HECW1: variants seen among roughly 807,000 people sequenced by gnomAD.
HECW1 encodes E3 ubiquitin-protein ligase HECW1.
A neutral mutation model predicts 182.3 loss-of-function variants in HECW1; 61 were observed. The observed-to-expected ratio is 0.33, with a 90% confidence interval of 0.27 to 0.41. The LOEUF (loss-of-function observed/expected upper bound fraction) is 0.41, where lower values mean the gene tolerates loss of function less well. Ranked by LOEUF, HECW1 falls within the 10% of genes least tolerant of loss-of-function variation. The pLI is 1.00. For missense variants in HECW1, 1,739 were observed against 2,108.9 expected, an observed-to-expected ratio of 0.82 and a Z score of 3.44; for synonymous variants, 859 against 832.6, an observed-to-expected ratio of 1.03 and a Z score of -0.55.
At chr7:43,454,306 A>C (rs912708139) in intron 12 of HECW1, among the ~76,000 whole-genome samples, 3 of 152,222 alleles carry the variant, frequency 2.0e-5, no homozygotes, top group Non-Finnish European at 2.9e-5. Context: ...ATGCTCTTCA[A>C]AGACTAATGC....
At chr7:43,366,611 A>T (rs1035849184) in intron 6 of HECW1, among the ~76,000 whole-genome samples, 2 of 152,192 alleles carry the variant, frequency 1.3e-5, no homozygotes, top group African/African-American at 4.8e-5. Flanking sequence ...AGACACCTCA[A>T]CTTTATAATA....
chr7:43,441,929 C>G (rs948824527), intron 9 of HECW1, among the ~76,000 whole-genome samples: 3 of 152,218 alleles, frequency 2.0e-5, no homozygotes, highest in African/African-American at 7.2e-5. Context: ...ACAGACAGTC[C>G]GTTCAACTTA....
At chr7:43,511,471 A>C (rs1261392876) in intron 24 of HECW1, 1 of 152,068 alleles carries the variant, frequency 6.6e-6, no homozygotes, top group Non-Finnish European at 1.5e-5. Flanking sequence ...AAGCCCCTTC[A>C]CCTCCACGGG....
intron 6 of HECW1, among the ~76,000 whole-genome samples, chr7:43,372,538 T>C (rs2074153936): frequency 6.6e-6 from 1 of 152,112 alleles, no homozygotes; most frequent in Non-Finnish European, 1.5e-5. Context: ...TTTTCCTTTT[T>C]TTAGACTTGT....
chr7:43,205,646 A>G (rs940409237), intron 2 of HECW1, among the ~76,000 whole-genome samples: 1 of 152,198 alleles, frequency 6.6e-6, no homozygotes, highest in Non-Finnish European at 1.5e-5. Context: ...CGCAGGTTGT[A>G]CACTCCACAG....
At chr7:43,285,742 C>T (rs924241948) in intron 3 of HECW1, among the ~76,000 whole-genome samples, 16 of 151,646 alleles carry the variant, frequency 1.1e-4, no homozygotes, top group African/African-American at 2.2e-4. Flanking sequence ...TGCAGTGAGC[C>T]GTAATTGCAC....
At chr7:43,491,742 G>A (rs924913458) in intron 17 of HECW1, among the ~76,000 whole-genome samples, 2 of 152,222 alleles carry the variant, frequency 1.3e-5, no homozygotes, top group South Asian at 2.1e-4. Context: ...ACAGGCATCT[G>A]CCACCACATC....
In HECW1 at chr7:43,366,102, CA is replaced by C. The variant is rs375358030; in HGVS notation, c.555+5134del. ...TGGTCGACAGAGCAAGACTGTCTCA[CA>C]AAAAAAAAAAAGAACAAAGAACAAA... is the stretch of plus-strand genomic sequence containing the variant. On this transcript the variant is annotated intron_variant, in intron 6 of 29. Transcript: ENST00000395891. 3.7e-3 allele frequency among the ~76,000 whole-genome samples: 508 copies of C among 137,962 alleles called. 3 individuals carry two copies. Among genetic ancestry groups the C allele is most frequent in the African/African-American group, 9.0e-3 (337 of 37,542 alleles). 90.5% of individuals were successfully genotyped at this position (137,962 alleles called of 152,430 possible).
Position 43,479,741 on chromosome 7 carries a change from A to G in HECW1, c.3231A>G (p.Gly1077=). ...AGAGGCTCCGAAGTTACAGCGCTGGAGAGGTAACCCTCCCTACACCCCGCC... is the reference window on the plus strand; with the variant it reads ...AGAGGCTCCGAAGTTACAGCGCTGGGGAGGTAACCCTCCCTACACCCCGCC... ...HLQRLRSYSA[G]EASEVSRNRG... Residue 1077 remains glycine, a synonymous_variant, in exon 17 of 30, where the codon GGA becomes GGG. Coordinates refer to ENST00000395891, the MANE Select transcript of HECW1 (RefSeq NM_015052.5). The G allele has an allele frequency of 1.9e-6, 3 of 1,613,914 alleles. No homozygotes were observed. The highest frequency in any genetic ancestry group is 2.5e-6 in the Non-Finnish European group (3 of 1,179,912).
chr7:43,336,075 C>G (rs1333821791), intron 5 of HECW1, among the ~76,000 whole-genome samples: 1 of 142,150 alleles, frequency 7.0e-6, no homozygotes, highest in Non-Finnish European at 1.6e-5. Context: ...TTCTTCCCCT[C>G]CCTTTCTTTC....
chr7:43,171,433 A>G (rs1476458507), intron 2 of HECW1, among the ~76,000 whole-genome samples: 2 of 152,200 alleles, frequency 1.3e-5, no homozygotes, highest in Non-Finnish European at 2.9e-5. Context: ...ATGAACGTTG[A>G]AAAGTTTGGG....
In HECW1 at chr7:43,493,200, C is replaced by T. The variant is rs1343426009; in HGVS notation, c.3437+20C>T. The T allele has an allele frequency of 6.5e-7, 1 of 1,531,636 alleles. No homozygotes were observed. The highest frequency in any genetic ancestry group is 1.7e-5 in the Admixed American group (1 of 59,130). 94.9% of individuals were successfully genotyped at this position (1,531,636 alleles called of 1,614,324 possible). ...ACTCAGGTAAGCCTCGCCCCTCACT[C>T]CCTGGAACTCTAGGTCTTTCCAGCC... On this transcript the variant is annotated intron_variant, in intron 19 of 29. Coordinates refer to ENST00000395891, the MANE Select transcript of HECW1 (RefSeq NM_015052.5).
chr7:43,221,537 G>GTTTTTTT lies in HECW1; in HGVS notation c.-31-22302_-31-22296dup, dbSNP rs71008897. On this transcript the variant is annotated intron_variant, in intron 2 of 29. Coordinates refer to ENST00000395891, the MANE Select transcript of HECW1 (RefSeq NM_015052.5). The stretch of plus-strand genomic sequence containing the variant: ...CTAAACTAAATGTCAGAGGAATTAG[G>GTTTTTTT]TTTTTTTTTTTTTTTTTTTTTTTTT... Among the ~76,000 whole-genome samples the GTTTTTTT allele has an allele frequency of 3.5e-3, 176 of 50,532 alleles. 52 individuals carry two copies. The highest frequency in any genetic ancestry group is 4.9e-3 in the Non-Finnish European group (144 of 29,154). 33.2% of individuals were successfully genotyped at this position (50,532 alleles called of 152,430 possible). A position where few individuals can be genotyped will look rare whatever the true frequency, so the allele number is the denominator to read the frequency against.
chr7:43,452,902 CG>C (rs2077280913), intron 12 of HECW1, among the ~76,000 whole-genome samples: 1 of 152,118 alleles, frequency 6.6e-6, no homozygotes, highest in African/African-American at 2.4e-5. Context: ...CACTGCCAGT[CG>C]GGAGTTGGAA....
chr7:43,291,507 A>C (rs2152755510), intron 3 of HECW1, among the ~76,000 whole-genome samples: 1 of 152,360 alleles, frequency 6.6e-6, no homozygotes, highest in South Asian at 2.1e-4. Context: ...AGGACATAGA[A>C]TGTACTTATT....
At chr7:43,467,959 G>T (rs1398082063) in intron 15 of HECW1, among the ~76,000 whole-genome samples, 4 of 152,038 alleles carry the variant, frequency 2.6e-5, no homozygotes, top group Non-Finnish European at 5.9e-5. Flanking sequence ...CTCCCCAGAG[G>T]TGTTGTGGGG....
At chr7:43,235,373 C>A (rs1798237220) in intron 2 of HECW1, among the ~76,000 whole-genome samples, 1 of 152,158 alleles carries the variant, frequency 6.6e-6, no homozygotes, top group South Asian at 2.1e-4. Flanking sequence ...TACTTGGGAA[C>A]AAATACTAGA....
intron 2 of HECW1, among the ~76,000 whole-genome samples, chr7:43,146,742 C>A (rs1469976409): frequency 6.6e-6 from 1 of 152,204 alleles, no homozygotes; most frequent in Non-Finnish European, 1.5e-5. Flanking sequence ...GATGCCCACT[C>A]CATGCAGACA....
chr7:43,212,038 T>C (rs1796048390), intron 2 of HECW1, among the ~76,000 whole-genome samples: 2 of 152,230 alleles, frequency 1.3e-5, no homozygotes, highest in Non-Finnish European at 2.9e-5. Flanking sequence ...GACTGAATAT[T>C]GGAAACAACC....
Sources: allele counts gnomAD v4.1 joint callset (sites outside exome capture counted in the v4.1 genomes callset), GRCh38; gene constraint gnomAD v4.1.1; transcripts MANE v1.5; gene names NCBI Gene and HGNC (gene_info 2026-07-23, HGNC 2026-07-21).